Variants in PTPRG observed in about 807,000 individuals in gnomAD.
PTPRG encodes protein tyrosine phosphatase receptor type G.
PTPRG carries 102 observed loss-of-function variants against 165.3 expected under a neutral mutation model. The observed-to-expected ratio is 0.62, with a 90% CI of 0.53 to 0.73. The LOEUF is 0.73. Ranked by LOEUF, PTPRG falls within the 30% of genes least tolerant of loss-of-function variation. The pLI is 0.00. For synonymous variants in PTPRG, 675 were observed against 669.5 expected, an observed-to-expected ratio of 1.01 and a Z score of -0.13; for missense variants, 1,866 against 1,861.4, an observed-to-expected ratio of 1.00 and a Z score of -0.05.
rs201245063 is a variant in PTPRG at position 62,166,531 on chromosome 3, TCA to T, written c.841-1438_841-1437del. On this transcript the variant is annotated intron_variant, in intron 7 of 29. Transcript: ENST00000474889. ...TTGTATTTTTAGTAGAGACAGGGTTTCACCATGTTGGCCAGGCTGGTCTCGAA... is the reference window on the plus strand; with the variant it reads ...TTGTATTTTTAGTAGAGACAGGGTTTCCATGTTGGCCAGGCTGGTCTCGAA... Among the ~76,000 whole-genome samples, 1,461 of 151,940 alleles carry T rather than the reference TCA, an allele frequency of 9.6e-3. 27 individuals carry two copies. The highest frequency in any genetic ancestry group is 0.034 in the African/African-American group (1,406 of 41,406).
At position 62,217,135 on chromosome 3, in the gene PTPRG, G is replaced by A. The variant is rs1700531794; in HGVS notation, c.2156-1716G>A. Reference sequence around the variant, plus strand: ...TCCCCTCGCACCAGGCCTGTGCACAGTAGGGGCTTGGTAAGAATCTCTCCT... The same window carrying A: ...TCCCCTCGCACCAGGCCTGTGCACAATAGGGGCTTGGTAAGAATCTCTCCT... On this transcript the variant is annotated intron_variant, in intron 12 of 29. Coordinates refer to ENST00000474889, the MANE Select transcript of PTPRG (RefSeq NM_002841.4). The surrounding 1 kb of genome is among the most constrained non-coding windows in gnomAD (Gnocchi z 4.3). Among the ~76,000 whole-genome samples the A allele has an allele frequency of 6.6e-6, 1 of 152,196 alleles. No individual in the cohort carries two copies. Among genetic ancestry groups the A allele is most frequent in the South Asian group, 2.1e-4 (1 of 4,830 alleles).
chr3:61,796,955 T>G (rs541425947), intron 2 of PTPRG, among the ~76,000 whole-genome samples: 155 of 152,344 alleles, frequency 1.0e-3, no homozygotes, highest in Non-Finnish European at 1.6e-3. Flanking sequence ...TGTGTTCATC[T>G]GTTTTCTCCC....
At chr3:61,889,453 A>C (rs986657016) in intron 2 of PTPRG, among the ~76,000 whole-genome samples, 1 of 152,236 alleles carries the variant, frequency 6.6e-6, no homozygotes, top group Non-Finnish European at 1.5e-5. Flanking sequence ...TAACTTGTAC[A>C]TGTCTAACTT....
chr3:62,033,553 G>A (rs1267818307), intron 4 of PTPRG, among the ~76,000 whole-genome samples: 4 of 106,006 alleles, frequency 3.8e-5, no homozygotes, highest in Non-Finnish European at 7.7e-5. Context: ...CCCCACCAGA[G>A]ATAGGGCCTC....
chr3:61,910,929 T>C (rs1261576274), intron 2 of PTPRG, among the ~76,000 whole-genome samples: 2 of 152,270 alleles, frequency 1.3e-5, no homozygotes, highest in South Asian at 2.1e-4. Context: ...ACTCTGGTTG[T>C]CCCCCATTCT....
chr3:61,721,797 A>G (rs578051797), intron 1 of PTPRG, among the ~76,000 whole-genome samples: 1 of 152,310 alleles, frequency 6.6e-6, no homozygotes, highest in South Asian at 2.1e-4. Flanking sequence ...CAATGAGAAA[A>G]TAAAGAAATA....
At chr3:62,249,342 T>G (rs1037268371) in intron 15 of PTPRG, among the ~76,000 whole-genome samples, 6 of 151,960 alleles carry the variant, frequency 3.9e-5, no homozygotes, top group Non-Finnish European at 7.4e-5. Flanking sequence ...GAAAATGAGG[T>G]CTATCCACTA....
chr3:61,938,999 C>T lies in PTPRG; in HGVS notation c.191-50626C>T, dbSNP rs1575804778. Among the ~76,000 whole-genome samples, 4 of 152,242 alleles carry T rather than the reference C, an allele frequency of 2.6e-5. No homozygotes were observed. In the South Asian group the frequency reaches 8.3e-4, roughly 32 times the overall value. On this transcript the variant is annotated intron_variant, in intron 2 of 29. Transcript: ENST00000474889. ...CATCAATCATATTTGCTTGGGATCACCCCCTGCAGTTCAGCATAAATCTGT... is the reference window on the plus strand; with the variant it reads ...CATCAATCATATTTGCTTGGGATCATCCCCTGCAGTTCAGCATAAATCTGT...
At chr3:62,050,390 AC>A (rs1255565585) in intron 4 of PTPRG, among the ~76,000 whole-genome samples, 1 of 152,364 alleles carries the variant, frequency 6.6e-6, no homozygotes, top group East Asian at 1.9e-4. Context: ...AGTAGGCTAT[AC>A]CACATAGCCA....
chr3:62,242,692 T>C (rs958061268), intron 14 of PTPRG, among the ~76,000 whole-genome samples: 1 of 152,198 alleles, frequency 6.6e-6, no homozygotes, highest in African/African-American at 2.4e-5. Context: ...AGCCCCTTCT[T>C]TGGCCTCATA....
intron 14 of PTPRG, among the ~76,000 whole-genome samples, chr3:62,236,395 A>G (rs540273220): frequency 6.6e-6 from 1 of 152,236 alleles, no homozygotes; most frequent in Admixed American, 6.5e-5. Flanking sequence ...TCAACTTTCT[A>G]TTTGTAAGTG....
At chr3:62,231,853 T>G (rs1196578638) in intron 14 of PTPRG, among the ~76,000 whole-genome samples, 1 of 151,870 alleles carries the variant, frequency 6.6e-6, no homozygotes, top group African/African-American at 2.4e-5. Flanking sequence ...GAAATGCATA[T>G]GAGTTCTGGA....
chr3:62,109,758 A>C (rs183102938), intron 5 of PTPRG, among the ~76,000 whole-genome samples: 145 of 152,308 alleles, frequency 9.5e-4, no homozygotes, highest in Admixed American at 2.2e-3. Context: ...CTCTCAAAAC[A>C]GCTGCAGCCC....
Position 62,271,656 on chromosome 3 carries a change from A to G in PTPRG, c.3182+101A>G, listed in dbSNP as rs917652287. ...TGCTACTGCTTTCACTTAGAAGCTG[A>G]ATCTTCCACTGGAAACTGGGATGGA... On this transcript the variant is annotated intron_variant, in intron 21 of 29. Coordinates refer to ENST00000474889, the MANE Select transcript of PTPRG (RefSeq NM_002841.4). This position sits in a 1 kb window ranked among gnomAD's most constrained non-coding sequence, Gnocchi z 4.1. 7.3e-6 allele frequency: 8 copies of G among 1,094,382 alleles called. No individual in the cohort carries two copies. The highest frequency in any genetic ancestry group is 1.0e-5 in the Non-Finnish European group (8 of 778,552). 67.8% of individuals were successfully genotyped at this position (1,094,382 alleles called of 1,614,324 possible).
chr3:62,191,334 G>C (rs1443547118), intron 8 of PTPRG, 135 bp from the exon 9 acceptor site: 13 of 680,560 alleles, frequency 1.9e-5, no homozygotes, highest in Non-Finnish European at 2.9e-5. Flanking sequence ...ACAATGTTAA[G>C]AGGACCCAGG....
chr3:61,676,065 A>C (rs1380160754), intron 1 of PTPRG, among the ~76,000 whole-genome samples: 3 of 152,180 alleles, frequency 2.0e-5, no homozygotes, highest in African/African-American at 7.2e-5. Flanking sequence ...TTTATTTTTC[A>C]CTACCCAAGA....
chr3:61,757,242 A>T (rs2033662219), intron 2 of PTPRG, among the ~76,000 whole-genome samples: 1 of 152,156 alleles, frequency 6.6e-6, no homozygotes. Context: ...GAAATGAGGG[A>T]TACTACCTTT....
chr3:62,035,526 T>C (rs1699911964), intron 4 of PTPRG, among the ~76,000 whole-genome samples: 1 of 152,242 alleles, frequency 6.6e-6, no homozygotes, highest in African/African-American at 2.4e-5. Flanking sequence ...ATCTCCTATT[T>C]AAGAAATACA....
chr3:61,812,476 A>G (rs764932144), intron 2 of PTPRG, among the ~76,000 whole-genome samples: 9 of 152,372 alleles, frequency 5.9e-5, no homozygotes, highest in Middle Eastern at 3.4e-3. Context: ...GTTTAAGCCC[A>G]GATTTGTCAT....
Sources: gnomAD v4.1 joint callset for allele counts (sites outside exome capture counted in the v4.1 genomes callset) on GRCh38, gnomAD v4.1.1 for gene constraint, Gnocchi (gnomAD v3.1) non-coding constraint, MANE v1.5 for transcripts, NCBI Gene and HGNC (gene_info 2026-07-23, HGNC 2026-07-21) for gene names.